ACTL6A: variants seen among roughly 807,000 people sequenced by gnomAD.
The protein encoded by ACTL6A is actin like 6A.
In ACTL6A, 5 loss-of-function variants were observed where a neutral mutation model predicts 59.2. The observed-to-expected ratio is 0.08, with a 90% CI of 0.04 to 0.18. ACTL6A has a LOEUF of 0.18. Ranked by LOEUF, ACTL6A falls within the 10% of genes least tolerant of loss-of-function variation. The pLI is 1.00. For synonymous variants in ACTL6A, 154 were observed against 171.8 expected (o/e 0.90, Z 0.81); for missense variants, 285 against 526.9 (o/e 0.54, Z 4.49).
intron 1 of ACTL6A, among the ~76,000 whole-genome samples, chr3:179,568,935 G>A (rs570160124): frequency 1.3e-5 from 2 of 152,294 alleles, no homozygotes; most frequent in South Asian, 4.1e-4. Context: ...TTAATAAATT[G>A]CTCAGTTCTT....
chr3:179,572,666 A>ACG (rs538502529), intron 3 of ACTL6A, among the ~76,000 whole-genome samples: 14 of 152,168 alleles, frequency 9.2e-5, no homozygotes, highest in Admixed American at 9.2e-4. Context: ...TTAGTTGGGT[A>ACG]CGGTGGCGGG....
chr3:179,564,262 T>C (rs1324350421), intron 1 of ACTL6A, among the ~76,000 whole-genome samples: 1 of 152,210 alleles, frequency 6.6e-6, no homozygotes, highest in Non-Finnish European at 1.5e-5. Context: ...TTACTGTGTC[T>C]AGTAGTGATG....
At chr3:179,564,573 T>C (rs1381631669) in intron 1 of ACTL6A, among the ~76,000 whole-genome samples, 1 of 152,182 alleles carries the variant, frequency 6.6e-6, no homozygotes, top group Non-Finnish European at 1.5e-5. Flanking sequence ...TGAAGCAGGG[T>C]ACAGGAATTA....
chr3:179,567,047 C>G (rs1452895633), intron 1 of ACTL6A, among the ~76,000 whole-genome samples: 1 of 152,164 alleles, frequency 6.6e-6, no homozygotes, highest in Non-Finnish European at 1.5e-5. Context: ...CTAATGATTT[C>G]ATTTTAACTT....
In ACTL6A at chr3:179,588,037, C is replaced by T; in HGVS notation, c.*27C>T. On this transcript the variant is annotated 3_prime_UTR_variant, in exon 14 of 14. Coordinates refer to ENST00000429709, the MANE Select transcript of ACTL6A (RefSeq NM_004301.5). The stretch of plus-strand genomic sequence containing the variant: ...AAAGAGTTCCCAAGCTTCTACCTTC[C>T]TTTTGTCACCTTACGTTTCATAGCT... 3 of 1,521,336 alleles carry T rather than the reference C, an allele frequency of 2.0e-6. No homozygotes were observed. In the South Asian group the frequency reaches 3.6e-5, roughly 18 times the overall value. 94.2% of individuals were successfully genotyped at this position (1,521,336 alleles called of 1,614,324 possible).
chr3:179,576,885 C>T lies in ACTL6A; in HGVS notation c.740C>T (p.Thr247Met), dbSNP rs747059728. ...AGAAAAGAGAAGTTGCCTCAGGTTA[C>T]GAGGTCTTGGCACAATTATATGTGT... is the stretch of plus-strand genomic sequence containing the variant. ...WKRKEKLPQV[T>M]RSWHNYMCNC... is the part of the protein sequence containing the mutation. The change falls in exon 8 of 14, where the codon ACG (threonine) becomes ATG (methionine). Residue 247 changes from threonine (T) to methionine (M), a missense_variant. Thr to Met is a moderately conservative substitution (Grantham distance 81). Transcript: ENST00000429709. 9.3e-6 allele frequency: 15 copies of T among 1,613,920 alleles called. No homozygotes were observed. The highest frequency in any genetic ancestry group is 1.7e-4 in the Middle Eastern group (1 of 6,052).
At position 179,570,648 on chromosome 3, in the gene ACTL6A, A is replaced by G. The variant is rs1717976072; in HGVS notation, c.277+407A>G. 6.6e-6 allele frequency among the ~76,000 whole-genome samples: 1 copy of G among 152,222 alleles called. No homozygotes were observed. The highest frequency in any genetic ancestry group is 1.5e-5 in the Non-Finnish European group (1 of 68,028). On this transcript the variant is annotated intron_variant, in intron 3 of 13. Transcript: ENST00000429709. The surrounding 1 kb of genome is among the most constrained non-coding windows in gnomAD (Gnocchi z 4.3). ...TTGGCTGACAAAGCTGGGTAAAGCA[A>G]AGGGACCAGCATGTGTGAAGGGATG...
chr3:179,564,328 T>G (rs1717766525), intron 1 of ACTL6A, among the ~76,000 whole-genome samples: 1 of 152,200 alleles, frequency 6.6e-6, no homozygotes, highest in African/African-American at 2.4e-5. Context: ...ATAAGATTTT[T>G]CCTTCATGTT....
At position 179,570,103 on chromosome 3, in the gene ACTL6A, A is replaced by G. The variant is rs1283031730; in HGVS notation, c.139A>G (p.Arg47Gly). The G allele has an allele frequency of 6.2e-6, 10 of 1,614,060 alleles. No individual in the cohort carries two copies. The highest frequency in any genetic ancestry group is 8.5e-6 in the Non-Finnish European group (10 of 1,180,026). The change falls in exon 3 of 14, where the codon AGA (arginine) becomes GGA (glycine). Residue 47 changes from arginine to glycine, a missense_variant. Physicochemically the swap from Arg to Gly is moderately radical, Grantham distance 125. Transcript: ENST00000429709. The surrounding 1 kb of genome is among the most constrained non-coding windows in gnomAD (Gnocchi z 4.3). Reference protein sequence around the residue: ...FPTAIGMVVERDDGSTLMEID... With the variant: ...FPTAIGMVVEGDDGSTLMEID... ...TACAGCTATTGGTATGGTGGTAGAA[A>G]GAGATGACGGAAGCACATTAATGGA...
chr3:179,576,596 A>G (rs1718173403), intron 6 of ACTL6A, 24 bp from the exon 7 acceptor site: 1 of 1,576,394 alleles, frequency 6.3e-7, no homozygotes, highest in South Asian at 1.1e-5. Flanking sequence ...CTGCCCTCTT[A>G]GCCTTGTTTC....
chr3:179,562,960 C>G lies in ACTL6A; in HGVS notation c.-133C>G, dbSNP rs1717706173. On this transcript the variant is annotated 5_prime_UTR_variant, in exon 1 of 14. Transcript: ENST00000429709. ...TGAGCTCCGGGGTGTGTGGACGCCGCTTTGTTGCCTGAGGTGGGTGGCGGT... is the reference window on the plus strand; with the variant it reads ...TGAGCTCCGGGGTGTGTGGACGCCGGTTTGTTGCCTGAGGTGGGTGGCGGT... The G allele has an allele frequency of 4.9e-6, 6 of 1,235,756 alleles. No individual in the cohort carries two copies. Among genetic ancestry groups the G allele is most frequent in the Middle Eastern group, 1.9e-4 (1 of 5,384 alleles). The allele number at this position is 1,235,756 out of a possible 1,614,324, so 76.5% of individuals were successfully genotyped here.
chr3:179,585,563 ATCTT>A (rs1718463955), intron 12 of ACTL6A, among the ~76,000 whole-genome samples: 1 of 152,112 alleles, frequency 6.6e-6, no homozygotes, highest in South Asian at 2.1e-4. Flanking sequence ...ATAGTTACCA[ATCTT>A]TCTTACCTAC....
chr3:179,586,417 A>T (rs975084747), intron 12 of ACTL6A, 129 bp from the exon 13 acceptor site: 5 of 664,168 alleles, frequency 7.5e-6, no homozygotes, highest in Non-Finnish European at 1.1e-5. Context: ...TTGAGTGCAA[A>T]TGTGAAGACC....
In ACTL6A at chr3:179,570,008, G is replaced by GA. The variant is rs1345251067; in HGVS notation, c.103-53dup. 1.6e-5 allele frequency: 26 copies of GA among 1,580,914 alleles called. 1 individual carries two copies. In the South Asian group the frequency reaches 2.2e-4, roughly 13 times the overall value. ...AATATAATAAAATACATTAATTGGG[G>GA]AAAAAATGCCTTCTTGATGAAAGGT... On this transcript the variant is annotated intron_variant, in intron 2 of 13. Transcript: ENST00000429709. This position sits in a 1 kb window ranked among gnomAD's most constrained non-coding sequence, Gnocchi z 4.3.
intron 13 of ACTL6A, 29 bp downstream of exon 13, chr3:179,586,661 A>C (rs1176520268): frequency 1.3e-6 from 2 of 1,510,698 alleles, no homozygotes; most frequent in Non-Finnish European, 1.8e-6. Flanking sequence ...TTGCAAAAAT[A>C]TTCTTACTGA....
chr3:179,580,506 T>C, intron 8 of ACTL6A, 134 bp from the exon 9 acceptor site: 1 of 622,750 alleles, frequency 1.6e-6, no homozygotes, highest in Non-Finnish European at 2.7e-6. Flanking sequence ...GGTACATTTA[T>C]ACTCTTGAAA....
intron 8 of ACTL6A, among the ~76,000 whole-genome samples, chr3:179,580,279 A>G (rs1718298424): frequency 1.3e-5 from 2 of 152,232 alleles, no homozygotes; most frequent in South Asian, 2.1e-4. Flanking sequence ...GCACATGTGT[A>G]TATGTAGGTA....
chr3:179,573,792 G>T (rs1449664964), intron 4 of ACTL6A, among the ~76,000 whole-genome samples: 1 of 151,830 alleles, frequency 6.6e-6, no homozygotes, highest in Non-Finnish European at 1.5e-5. Flanking sequence ...CATTTCTTGT[G>T]CCCCAAGGGC....
At chr3:179,579,171 C>T (rs932035618) in intron 8 of ACTL6A, among the ~76,000 whole-genome samples, 1 of 151,856 alleles carries the variant, frequency 6.6e-6, no homozygotes, top group Non-Finnish European at 1.5e-5. Flanking sequence ...TGCTGTTGGC[C>T]GCATGTATGT....
Sources: gnomAD v4.1 joint callset for allele counts (sites outside exome capture counted in the v4.1 genomes callset) on GRCh38, gnomAD v4.1.1 for gene constraint, Gnocchi (gnomAD v3.1) non-coding constraint, MANE v1.5 for transcripts, NCBI Gene and HGNC (gene_info 2026-07-23, HGNC 2026-07-21) for gene names.